The following IMPA2 variants were observed in gnomAD, a reference collection of about 807,000 sequenced individuals.
IMPA2 encodes the protein inositol monophosphatase 2.
A neutral mutation model predicts 35.1 loss-of-function variants in IMPA2; 32 were observed. The observed-to-expected ratio is 0.91, with a 90% CI of 0.69 to 1.23. The LOEUF (loss-of-function observed/expected upper bound fraction) is 1.23, where lower values mean the gene tolerates loss of function less well. Ranked by LOEUF, IMPA2 falls within the 50% of genes most tolerant of loss-of-function variation. IMPA2 has a pLI of 0.00. For missense variants in IMPA2, 334 were observed against 387.6 expected (o/e 0.86, Z 1.16); for synonymous variants, 135 against 160.6 (o/e 0.84, Z 1.20).
intron 2 of IMPA2, among the ~76,000 whole-genome samples, chr18:12,005,667 C>T (rs1432849817): frequency 6.6e-6 from 1 of 152,214 alleles, no homozygotes; most frequent in Non-Finnish European, 1.5e-5. Context: ...GTGTCCCACG[C>T]ATCTGGCGAA....
chr18:12,022,941 A>ATTTTTTTTTTTTTT (rs35737614), intron 5 of IMPA2, among the ~76,000 whole-genome samples: 214 of 81,700 alleles, frequency 2.6e-3, no homozygotes, highest in East Asian at 5.2e-3. Context: ...CGCCTGCCTA[A>ATTTTTTTTTTTTTT]TTTTTTTTTT....
chr18:12,012,066 T>C, intron 3 of IMPA2, 104 bp from the exon 4 acceptor site: 2 of 943,756 alleles, frequency 2.1e-6, no homozygotes, highest in South Asian at 1.5e-5. Context: ...CCACCCAGAG[T>C]GTAGGAAGGT....
chr18:12,006,495 C>T (rs185780160), intron 2 of IMPA2, among the ~76,000 whole-genome samples: 2 of 152,346 alleles, frequency 1.3e-5, no homozygotes, highest in Non-Finnish European at 2.9e-5. Flanking sequence ...GCTCCAGGGG[C>T]AGACTGAGCC....
At chr18:12,020,243 G>T (rs1312789266) in intron 5 of IMPA2, among the ~76,000 whole-genome samples, 1 of 152,082 alleles carries the variant, frequency 6.6e-6, no homozygotes, top group Non-Finnish European at 1.5e-5. Flanking sequence ...GCCCAGGCTG[G>T]AGTGCAGTGG....
At chr18:11,984,613 G>T (rs1403764118) in intron 1 of IMPA2, among the ~76,000 whole-genome samples, 1 of 152,110 alleles carries the variant, frequency 6.6e-6, no homozygotes, top group Non-Finnish European at 1.5e-5. Flanking sequence ...GCTGAGGCTT[G>T]TGGATCACCT....
chr18:11,985,824 G>A (rs1320699799), intron 1 of IMPA2, among the ~76,000 whole-genome samples: 1 of 152,170 alleles, frequency 6.6e-6, no homozygotes, highest in Non-Finnish European at 1.5e-5. Context: ...TTGAAGCAAA[G>A]TTAGTTCATC....
intron 1 of IMPA2, 48 bp from the exon 2 acceptor site, chr18:11,999,006 G>C: frequency 6.5e-7 from 1 of 1,532,238 alleles, no homozygotes; most frequent in Non-Finnish European, 8.8e-7. Context: ...CTTTGCCTGG[G>C]AGGAGGATGT....
intron 1 of IMPA2, among the ~76,000 whole-genome samples, chr18:11,997,478 A>G (rs951780825): frequency 2.5e-4 from 37 of 145,790 alleles, no homozygotes; most frequent in Admixed American, 4.7e-4. Flanking sequence ...TCTATAACAT[A>G]TATCTGTTTT....
At position 11,991,040 on chromosome 18, in the gene IMPA2, C is replaced by A. The variant is rs1906798593; in HGVS notation, c.97-8014C>A. Among the ~76,000 whole-genome samples the A allele has an allele frequency of 6.6e-6, 1 of 152,186 alleles. No homozygotes were observed. Among genetic ancestry groups the A allele is most frequent in the South Asian group, 2.1e-4 (1 of 4,830 alleles). ...AGCTGGGCAGGGTGTGAGGTGGAGG[C>A]CATCTCCAGGAAGCTCAGCTGCTGA... On this transcript the variant is annotated intron_variant, in intron 1 of 7. Coordinates refer to ENST00000269159, the MANE Select transcript of IMPA2 (RefSeq NM_014214.3). This position sits in a 1 kb window ranked among gnomAD's most constrained non-coding sequence, Gnocchi z 4.1.
chr18:12,028,936 C>A lies in IMPA2; in HGVS notation c.694C>A (p.Leu232Met). 6.2e-7 allele frequency: 1 copy of A among 1,614,064 alleles called. No homozygotes were observed. Among genetic ancestry groups the A allele is most frequent in the Non-Finnish European group, 8.5e-7 (1 of 1,180,034 alleles). ...CCAGTTTGGCCTGCACTGCTGGGAT[C>A]TGGCGGCTGCCACAGTCATCATCAG... ...YYQFGLHCWD[L>M]AAATVIIREA... is the part of the protein sequence containing the mutation. The change falls in exon 7 of 8, where the codon CTG (leucine) becomes ATG (methionine). Residue 232 changes from leucine (L) to methionine (M), a missense_variant. Leu to Met is a conservative substitution (Grantham distance 15, BLOSUM62 2). Transcript: ENST00000269159.
At chr18:11,995,300 C>G (rs1288620316) in intron 1 of IMPA2, among the ~76,000 whole-genome samples, 2 of 152,338 alleles carry the variant, frequency 1.3e-5, no homozygotes, top group African/African-American at 4.8e-5. Context: ...GGGAATGGGA[C>G]ACGAGGAAGT....
chr18:11,981,530 T>TG lies in IMPA2; in HGVS notation c.-137dup. On this transcript the variant is annotated 5_prime_UTR_variant, in exon 1 of 8. Transcript: ENST00000269159. ...GCTGCCCTTCCCGCCAGCGCAGGTG[T>TG]GGGACGGGCGGCGGACTAGGCACAG... 2.0e-6 allele frequency: 1 copy of TG among 494,430 alleles called. No homozygotes were observed. Among genetic ancestry groups the TG allele is most frequent in the Non-Finnish European group, 3.1e-6 (1 of 317,908 alleles). The allele number at this position is 494,430 out of a possible 1,614,324, so 30.6% of individuals were successfully genotyped here. A position where few individuals can be genotyped will look rare whatever the true frequency, so the allele number is the denominator to read the frequency against.
chr18:11,981,731 A>G lies in IMPA2; in HGVS notation c.62A>G (p.Gln21Arg). The change falls in exon 1 of 8, where the codon CAG (glutamine) becomes CGG (arginine). Residue 21 changes from glutamine (Q) to arginine (R), a missense_variant. Coordinates refer to ENST00000269159, the MANE Select transcript of IMPA2 (RefSeq NM_014214.3). The stretch of plus-strand genomic sequence containing the variant: ...GCCGGCCCCTGGGAGGAGTGCTTCC[A>G]GGCGGCCGTGCAGCTGGCGCTGCGG... ...LAAGPWEECFQAAVQLALRAG... is the reference protein window; with the variant it reads ...LAAGPWEECFRAAVQLALRAG... The G allele has an allele frequency of 8.1e-7, 1 of 1,229,538 alleles. No individual in the cohort carries two copies. Among genetic ancestry groups the G allele is most frequent in the Non-Finnish European group, 1.0e-6 (1 of 986,414 alleles). The allele number at this position is 1,229,538 out of a possible 1,614,324, so 76.2% of individuals were successfully genotyped here. A position where few individuals can be genotyped will look rare whatever the true frequency, so the allele number is the denominator to read the frequency against.
Position 11,991,548 on chromosome 18 carries a change from G to T in IMPA2, c.97-7506G>T, listed in dbSNP as rs1281957377. ...TTTTATTGATTGTCACACGTATCAG[G>T]TTCTTCAGAGAAACAGGACCGGCAG... On this transcript the variant is annotated intron_variant, in intron 1 of 7. Transcript: ENST00000269159. This position sits in a 1 kb window ranked among gnomAD's most constrained non-coding sequence, Gnocchi z 4.1. 2.0e-5 allele frequency among the ~76,000 whole-genome samples: 3 copies of T among 152,178 alleles called. No homozygotes were observed. Among genetic ancestry groups the T allele is most frequent in the Non-Finnish European group, 4.4e-5 (3 of 68,034 alleles).
intron 5 of IMPA2, among the ~76,000 whole-genome samples, chr18:12,027,150 T>C (rs1907902063): frequency 6.6e-6 from 1 of 152,198 alleles, no homozygotes; most frequent in Non-Finnish European, 1.5e-5. Context: ...GGTTTGGCAC[T>C]GTCCTGCCCG....
chr18:12,016,290 C>A (rs867085057), intron 5 of IMPA2, among the ~76,000 whole-genome samples: 2 of 152,254 alleles, frequency 1.3e-5, no homozygotes, highest in Middle Eastern at 6.8e-3. Context: ...TCAGGACAGG[C>A]GGTTCCACGT....
At chr18:12,001,235 T>C (rs1290968247) in intron 2 of IMPA2, among the ~76,000 whole-genome samples, 2 of 151,806 alleles carry the variant, frequency 1.3e-5, no homozygotes, top group Non-Finnish European at 2.9e-5. Context: ...TCTCGAAAAA[T>C]AAATAAATAA....
At chr18:12,007,651 CT>C (rs796223143) in intron 2 of IMPA2, among the ~76,000 whole-genome samples, 2,325 of 109,352 alleles carry the variant, frequency 0.021, 66 homozygotes, top group African/African-American at 0.079. Flanking sequence ...TTCTTTCTTT[CT>C]TTCTTTCTTT....
chr18:11,986,228 C>G (rs939984911), intron 1 of IMPA2, among the ~76,000 whole-genome samples: 1 of 152,210 alleles, frequency 6.6e-6, no homozygotes, highest in Non-Finnish European at 1.5e-5. Flanking sequence ...AGCCTGTCGT[C>G]CCCTTGTCCG....
Sources: allele counts gnomAD v4.1 joint callset (sites outside exome capture counted in the v4.1 genomes callset), GRCh38; gene constraint gnomAD v4.1.1; non-coding constraint Gnocchi (gnomAD v3.1); transcripts MANE v1.5; gene names NCBI Gene and HGNC (gene_info 2026-07-23, HGNC 2026-07-21).